The following MTUS2 variants were observed in gnomAD, a reference collection of about 807,000 sequenced individuals.
MTUS2 encodes the protein microtubule associated scaffold protein 2, also known as microtubule-associated tumor suppressor candidate 2.
MTUS2 carries 40 observed loss-of-function variants against 114.1 expected under a neutral mutation model. The ratio of observed to expected loss-of-function variants is 0.35; its 90% CI spans 0.27 to 0.46. MTUS2 has a LOEUF of 0.46. MTUS2 is among the 20% of genes least tolerant of loss of function. MTUS2 has a pLI of 1.00. For missense variants in MTUS2, 1,679 were observed against 1,705.4 expected (o/e 0.98, Z 0.27); for synonymous variants, 688 against 672.0 (o/e 1.02, Z -0.37).
At chr13:29,171,643 A>T (rs1452007423) in intron 5 of MTUS2, among the ~76,000 whole-genome samples, 1 of 152,200 alleles carries the variant, frequency 6.6e-6, no homozygotes, top group East Asian at 1.9e-4. Context: ...CAAAACAATT[A>T]TGGTTTGAAC....
intron 2 of MTUS2, among the ~76,000 whole-genome samples, chr13:28,963,039 C>G (rs2138219675): frequency 6.6e-6 from 1 of 152,246 alleles, no homozygotes; most frequent in Admixed American, 6.5e-5. Flanking sequence ...TATTTCAAAA[C>G]TCATTCTTTT....
intron 2 of MTUS2, among the ~76,000 whole-genome samples, chr13:29,006,103 A>G (rs371219014): frequency 5.3e-5 from 8 of 152,108 alleles, no homozygotes; most frequent in African/African-American, 1.7e-4. Context: ...AAGTTCCTGG[A>G]GAGGGGAGTA....
chr13:29,050,293 C>T (rs1887831790), intron 4 of MTUS2, among the ~76,000 whole-genome samples: 1 of 152,184 alleles, frequency 6.6e-6, no homozygotes, highest in African/African-American at 2.4e-5. Context: ...AGTACAGAGA[C>T]TGGAACTCCC....
At chr13:29,268,003 AT>A (rs1003646322) in intron 5 of MTUS2, among the ~76,000 whole-genome samples, 8 of 152,118 alleles carry the variant, frequency 5.3e-5, no homozygotes, top group African/African-American at 1.9e-4. Context: ...TAGACATCAG[AT>A]TTTTTTAATA....
intron 2 of MTUS2, among the ~76,000 whole-genome samples, chr13:28,853,393 C>G (rs1876423254): frequency 6.6e-6 from 1 of 151,702 alleles, no homozygotes; most frequent in African/African-American, 2.4e-5. Flanking sequence ...GAGTGGATGC[C>G]TTGGAGGCTC....
At chr13:28,944,708 G>T (rs1209358562) in intron 2 of MTUS2, among the ~76,000 whole-genome samples, 2 of 152,120 alleles carry the variant, frequency 1.3e-5, no homozygotes, top group African/African-American at 4.8e-5. Flanking sequence ...ACTCATCCTT[G>T]GGCTGTGGGA....
intron 4 of MTUS2, among the ~76,000 whole-genome samples, chr13:29,040,656 T>G (rs2138553966): frequency 6.6e-6 from 1 of 152,338 alleles, no homozygotes; most frequent in East Asian, 1.9e-4. Flanking sequence ...ATGGCATTCT[T>G]GCAGGAGTAA....
intron 9 of MTUS2, among the ~76,000 whole-genome samples, chr13:29,459,998 C>T (rs1238075040): frequency 2.6e-5 from 4 of 152,166 alleles, no homozygotes; most frequent in African/African-American, 9.6e-5. Context: ...TGGGCCATTC[C>T]GCAGATGCTT....
At chr13:29,396,654 T>C (rs1385880203) in intron 8 of MTUS2, among the ~76,000 whole-genome samples, 4 of 152,236 alleles carry the variant, frequency 2.6e-5, no homozygotes, top group Non-Finnish European at 5.9e-5. Flanking sequence ...GTCAAAAATA[T>C]TTACTCCTAT....
At chr13:29,482,545 A>C (rs1881272051) in intron 10 of MTUS2, among the ~76,000 whole-genome samples, 1 of 152,224 alleles carries the variant, frequency 6.6e-6, no homozygotes, top group African/African-American at 2.4e-5. Flanking sequence ...TCACCTGTGC[A>C]AAGAATATCT....
At chr13:29,498,948 C>G (rs1199234014) in intron 14 of MTUS2, among the ~76,000 whole-genome samples, 2 of 152,198 alleles carry the variant, frequency 1.3e-5, no homozygotes, top group Non-Finnish European at 2.9e-5. Flanking sequence ...AGCCGCTTTA[C>G]AGATGCGGAG....
intron 9 of MTUS2, among the ~76,000 whole-genome samples, chr13:29,445,166 A>C (rs918504117): frequency 9.2e-5 from 14 of 152,202 alleles, no homozygotes; most frequent in African/African-American, 3.1e-4. Context: ...TTAAGTAGGA[A>C]TTTCCTGGCA....
At chr13:29,237,870 C>G (rs1896590975) in intron 5 of MTUS2, among the ~76,000 whole-genome samples, 1 of 152,108 alleles carries the variant, frequency 6.6e-6, no homozygotes, top group South Asian at 2.1e-4. Context: ...GATAGCACCT[C>G]ACACCCATTA....
intron 5 of MTUS2, among the ~76,000 whole-genome samples, chr13:29,240,335 G>A (rs1759514000): frequency 6.6e-6 from 1 of 152,140 alleles, no homozygotes; most frequent in Non-Finnish European, 1.5e-5. Flanking sequence ...GGCAACAACT[G>A]TGGTCTAATC....
Position 29,247,953 on chromosome 13 carries a change from T to C in MTUS2, c.2645-33751T>C, listed in dbSNP as rs149778661. ...TAGGAAAAAGACACTTGCACATGCA[T>C]GTTTATAGCAGTGCAATTCACAATT... On this transcript the variant is annotated intron_variant, in intron 5 of 15. Transcript: ENST00000612955. Among the ~76,000 whole-genome samples the C allele has an allele frequency of 6.4e-3, 973 of 152,306 alleles. 9 individuals are homozygous for C. Among genetic ancestry groups the C allele is most frequent in the African/African-American group, 0.02 (850 of 41,570 alleles).
chr13:29,128,208 C>T (rs68054178), intron 5 of MTUS2, among the ~76,000 whole-genome samples: 10,492 of 152,280 alleles, frequency 0.069, 441 homozygotes, highest in Non-Finnish European at 0.098. Context: ...ATTAGACCTC[C>T]TGGGCCACTG....
intron 2 of MTUS2, among the ~76,000 whole-genome samples, chr13:29,007,189 C>T (rs753768820): frequency 3.3e-5 from 5 of 152,066 alleles, no homozygotes; most frequent in Non-Finnish European, 5.9e-5. Context: ...AACCTTCACA[C>T]TTTGCTATAG....
intron 4 of MTUS2, among the ~76,000 whole-genome samples, chr13:29,039,951 C>G (rs1414097957): frequency 2.6e-5 from 4 of 152,242 alleles, no homozygotes; most frequent in East Asian, 3.9e-4. Context: ...TCATTTCTCT[C>G]GTTTAATTTC....
At chr13:29,337,549 G>T (rs541609235) in intron 7 of MTUS2, among the ~76,000 whole-genome samples, 7 of 151,894 alleles carry the variant, frequency 4.6e-5, no homozygotes, top group African/African-American at 1.7e-4. Flanking sequence ...CGCCTTCTGC[G>T]TTGATCTCGC....
Sources: gnomAD v4.1 joint callset for allele counts (sites outside exome capture counted in the v4.1 genomes callset) on GRCh38, gnomAD v4.1.1 for gene constraint, MANE v1.5 for transcripts, NCBI Gene and HGNC (gene_info 2026-07-23, HGNC 2026-07-21) for gene names.